The following RPA2 variants were observed in gnomAD, a reference collection of about 807,000 sequenced individuals.
The protein encoded by RPA2 is replication protein A 32 kDa subunit.
Under a neutral mutation model 33.4 loss-of-function variants are expected in RPA2, and 22 were observed. The observed-to-expected ratio is 0.66, with a 90% confidence interval of 0.47 to 0.94. RPA2 has a LOEUF of 0.94. RPA2 is among the 40% of genes least tolerant of loss of function. The pLI is 0.00. For missense variants in RPA2, 279 were observed against 329.9 expected (o/e 0.85, Z 1.19); for synonymous variants, 109 against 114.9 (o/e 0.95, Z 0.33).
At chr1:27,907,369 A>G in intron 2 of RPA2, 87 bp from the exon 3 acceptor site, 1 of 1,004,154 alleles carries the variant, frequency 1.0e-6, no homozygotes. Flanking sequence ...TACTTTAAAT[A>G]TATTAGAACA....
intron 4 of RPA2, among the ~76,000 whole-genome samples, chr1:27,903,864 TA>T (rs34163774): frequency 0.31 from 28,553 of 92,864 alleles, 3,704 homozygotes; most frequent in Middle Eastern, 0.44. Flanking sequence ...TGTCTCTATT[TA>T]AAAAAAAAAA....
chr1:27,914,797 C>T, upstream of RPA2: 1 of 931,388 alleles, frequency 1.1e-6, no homozygotes, highest in South Asian at 1.5e-5. Context: ...CCAATCAGAA[C>T]AATACTACCG....
chr1:27,913,212 C>G (rs1395370601), intron 2 of RPA2, among the ~76,000 whole-genome samples: 24 of 151,822 alleles, frequency 1.6e-4, no homozygotes, highest in Non-Finnish European at 5.9e-5. Flanking sequence ...CTCAGCCTCC[C>G]AAAGTGCTGG....
chr1:27,905,370 T>A (rs919526584), intron 4 of RPA2, among the ~76,000 whole-genome samples: 5 of 152,206 alleles, frequency 3.3e-5, no homozygotes, highest in Non-Finnish European at 7.3e-5. Flanking sequence ...CTCGGCTCAC[T>A]GCAACCTCTG....
chr1:27,914,181 A>T lies in RPA2; in HGVS notation c.11-12T>A. The T allele has an allele frequency of 6.2e-7, 1 of 1,613,752 alleles. No individual in the cohort carries two copies. Among genetic ancestry groups the T allele is most frequent in the Non-Finnish European group, 8.5e-7 (1 of 1,179,936 alleles). On this transcript the variant is annotated splice_polypyrimidine_tract_variant and intron_variant, in intron 1 of 8. Transcript: ENST00000373912. The stretch of plus-strand genomic sequence containing the variant: ...GCTTTCGAATCCACCTGTTTTGAAC[A>T]ACAGGATTAGTGCCTGTGCCACGTC...
chr1:27,908,860 AGG>A (rs2090064078), intron 2 of RPA2, among the ~76,000 whole-genome samples: 1 of 152,196 alleles, frequency 6.6e-6, no homozygotes, highest in Non-Finnish European at 1.5e-5. Context: ...CAGTGGCAAG[AGG>A]TAGTCTGGGT....
Position 27,897,616 on chromosome 1 carries a change from T to G in RPA2, c.408+17A>C. The G allele has an allele frequency of 6.3e-7, 1 of 1,578,628 alleles. No individual in the cohort carries two copies. The highest frequency in any genetic ancestry group is 8.6e-7 in the Non-Finnish European group (1 of 1,161,318). ...TCATGCAAAAACACTTTAACTGTTA[T>G]TTTATTCTGACTTTACCTGAAAAGA... On this transcript the variant is annotated intron_variant, in intron 5 of 8. Coordinates refer to ENST00000373912, the MANE Select transcript of RPA2 (RefSeq NM_002946.5).
chr1:27,912,474 G>A (rs2090110042), intron 2 of RPA2, among the ~76,000 whole-genome samples: 1 of 151,956 alleles, frequency 6.6e-6, no homozygotes, highest in Non-Finnish European at 1.5e-5. Flanking sequence ...ATCACTTGAG[G>A]CATGGAGGTC....
chr1:27,893,937 T>A, intron 8 of RPA2, 75 bp downstream of exon 8: 4 of 1,294,316 alleles, frequency 3.1e-6, no homozygotes, highest in Non-Finnish European at 1.1e-6. Context: ...AACCCACTTC[T>A]CACTATCAGG....
intron 6 of RPA2, 140 bp from the exon 7 acceptor site, chr1:27,894,537 T>C: frequency 1.6e-6 from 1 of 623,014 alleles, no homozygotes. Context: ...TACATTGGAG[T>C]GGACAGCTAT....
In RPA2 at chr1:27,892,216, G is replaced by A. The variant is rs1420353749; in HGVS notation, c.760C>T (p.His254Tyr). Reference protein sequence around the residue: ...QAVDFLSNEGHIYSTVDDDHF... With the variant: ...QAVDFLSNEGYIYSTVDDDHF... Reference sequence around the variant, plus strand: ...TCATCATCCACAGTAGAATAGATGTGCCCCTCATTGCTCAGAAAATCCACA... The same window carrying A: ...TCATCATCCACAGTAGAATAGATGTACCCCTCATTGCTCAGAAAATCCACA... The change falls in exon 9 of 9, where the codon CAC becomes TAC. Residue 254 changes from histidine (H) to tyrosine (Y), a missense_variant. Transcript: ENST00000373912. The A allele has an allele frequency of 6.2e-7, 1 of 1,613,224 alleles. No individual in the cohort carries two copies. Among genetic ancestry groups the A allele is most frequent in the South Asian group, 1.1e-5 (1 of 91,000 alleles).
rs28988914 is a variant in RPA2, at chr1:27,908,913, C to T, written c.118-1631G>A. Among the ~76,000 whole-genome samples the T allele has an allele frequency of 2.3e-3, 352 of 152,352 alleles. 2 individuals are homozygous for T. Among genetic ancestry groups the T allele is most frequent in the African/African-American group, 8.1e-3 (335 of 41,584 alleles). ...ATGATGGGACAGGATTTACCCTCAA[C>T]ATATTCCTAATCTAGGGGAGGTACA... On this transcript the variant is annotated intron_variant, in intron 2 of 8. Coordinates refer to ENST00000373912, the MANE Select transcript of RPA2 (RefSeq NM_002946.5).
intron 4 of RPA2, among the ~76,000 whole-genome samples, chr1:27,903,030 A>T (rs1473914970): frequency 6.7e-6 from 1 of 150,006 alleles, no homozygotes; most frequent in Non-Finnish European, 1.5e-5. Context: ...CCCAGCTTCA[A>T]CTGATTCTCC....
chr1:27,899,501 CAA>C (rs1296911678), intron 4 of RPA2, among the ~76,000 whole-genome samples: 1 of 46,678 alleles, frequency 2.1e-5, no homozygotes, highest in Non-Finnish European at 4.0e-5. Context: ...GACTCTATCT[CAA>C]AAAAAAAAAG....
upstream of RPA2, chr1:27,914,723 A>G: frequency 6.3e-7 from 1 of 1,585,588 alleles, no homozygotes; most frequent in South Asian, 1.1e-5. Flanking sequence ...CATCTTTACG[A>G]AGGGCAAAAC....
At chr1:27,900,625 G>GC (rs1198340209) in intron 4 of RPA2, among the ~76,000 whole-genome samples, 1 of 151,962 alleles carries the variant, frequency 6.6e-6, no homozygotes, top group African/African-American at 2.4e-5. Context: ...AGATATAACT[G>GC]AATTGCTGTA....
At chr1:27,898,567 G>C (rs978953133) in intron 4 of RPA2, among the ~76,000 whole-genome samples, 1 of 139,828 alleles carries the variant, frequency 7.2e-6, no homozygotes, top group Non-Finnish European at 1.5e-5. Context: ...TTTTTGAGAC[G>C]AAGTGTCTTG....
At chr1:27,905,571 G>A (rs746912886) in intron 4 of RPA2, among the ~76,000 whole-genome samples, 2 of 152,054 alleles carry the variant, frequency 1.3e-5, no homozygotes, top group Admixed American at 6.6e-5. Context: ...GATTACAGGC[G>A]TGAGCCACTT....
At chr1:27,895,858 C>T (rs2089884935) in intron 6 of RPA2, among the ~76,000 whole-genome samples, 1 of 152,208 alleles carries the variant, frequency 6.6e-6, no homozygotes, top group African/African-American at 2.4e-5. Flanking sequence ...CTACAACCCT[C>T]TCCCTCTCCC....
Sources: allele counts gnomAD v4.1 joint callset (sites outside exome capture counted in the v4.1 genomes callset), GRCh38; gene constraint gnomAD v4.1.1; transcripts MANE v1.5; gene names NCBI Gene and HGNC (gene_info 2026-07-23, HGNC 2026-07-21).